Variants in ANKS1B observed in about 807,000 individuals in gnomAD.
ANKS1B encodes ankyrin repeat and sterile alpha motif domain containing 1B, also known as ankyrin repeat and sterile alpha motif domain-containing protein 1B.
Under a neutral mutation model 148.3 loss-of-function variants are expected in ANKS1B, and 36 were observed. That is an observed-to-expected ratio of 0.24 (90% CI 0.19 to 0.32). ANKS1B has a LOEUF of 0.32. ANKS1B is among the 10% of genes least tolerant of loss of function. The pLI, the probability that ANKS1B is intolerant of heterozygous loss-of-function variation, is 1.00. For synonymous variants in ANKS1B, 542 were observed against 560.8 expected (o/e 0.97, Z 0.47); for missense variants, 1,157 against 1,542.6 (o/e 0.75, Z 4.19).
At chr12:99,003,832 C>A (rs761540200) in intron 17 of ANKS1B, among the ~76,000 whole-genome samples, 13 of 152,164 alleles carry the variant, frequency 8.5e-5, no homozygotes, top group Non-Finnish European at 1.5e-4. Flanking sequence ...AACAAACATT[C>A]CAAGCCCCAT....
At chr12:98,884,511 A>G (rs2099732006) in intron 17 of ANKS1B, among the ~76,000 whole-genome samples, 1 of 152,114 alleles carries the variant, frequency 6.6e-6, no homozygotes, top group African/African-American at 2.4e-5. Context: ...GAAACTATCT[A>G]TTTGGGGGCC....
At chr12:99,260,551 A>T (rs1407248731) in intron 12 of ANKS1B, among the ~76,000 whole-genome samples, 1 of 152,182 alleles carries the variant, frequency 6.6e-6, no homozygotes, top group Admixed American at 6.5e-5. Context: ...ATATACAGAA[A>T]CGTTAAAGAT....
In ANKS1B at chr12:98,801,229, A is replaced by T; in HGVS notation, c.3142-104T>A. On this transcript the variant is annotated intron_variant, in intron 20 of 26. Coordinates refer to ENST00000683438, the MANE Select transcript of ANKS1B (RefSeq NM_001352186.2). The surrounding 1 kb of genome is among the most constrained non-coding windows in gnomAD (Gnocchi z 5.2). The stretch of plus-strand genomic sequence containing the variant: ...ACACACAGGTGCTGTGAATGTACCA[A>T]AATGCATTTGGGTGTCTTATGTGAA... 1.7e-6 allele frequency: 2 copies of T among 1,173,830 alleles called. No homozygotes were observed. Among genetic ancestry groups the T allele is most frequent in the Non-Finnish European group, 2.4e-6 (2 of 845,002 alleles). 72.7% of individuals were successfully genotyped at this position (1,173,830 alleles called of 1,614,324 possible).
At chr12:98,987,920 C>G (rs1490827045) in intron 17 of ANKS1B, among the ~76,000 whole-genome samples, 4 of 152,036 alleles carry the variant, frequency 2.6e-5, no homozygotes, top group Admixed American at 2.6e-4. Flanking sequence ...GCCTAAAGAT[C>G]TTTTTCAGTT....
chr12:99,470,810 T>C (rs2096229756), intron 10 of ANKS1B, among the ~76,000 whole-genome samples: 1 of 152,142 alleles, frequency 6.6e-6, no homozygotes, highest in African/African-American at 2.4e-5. Flanking sequence ...ATGAGAGTTT[T>C]GATTGAAGTC....
intron 17 of ANKS1B, among the ~76,000 whole-genome samples, chr12:98,851,783 T>C (rs1475251532): frequency 2.0e-5 from 3 of 151,964 alleles, no homozygotes; most frequent in African/African-American, 7.2e-5. Context: ...CCCAGCACTT[T>C]GGGAGGCTGA....
intron 12 of ANKS1B, among the ~76,000 whole-genome samples, chr12:99,321,462 C>T (rs550434451): frequency 6.6e-6 from 1 of 152,206 alleles, no homozygotes; most frequent in Non-Finnish European, 1.5e-5. Flanking sequence ...GACTGCTGTG[C>T]TAGCAGTGAG....
At chr12:99,038,887 GTC>G (rs1293709540) in intron 17 of ANKS1B, among the ~76,000 whole-genome samples, 1 of 152,224 alleles carries the variant, frequency 6.6e-6, no homozygotes, top group East Asian at 1.9e-4. Context: ...TCTGGTCACT[GTC>G]TATCCTCTTA....
chr12:99,498,175 T>C (rs895722179), intron 10 of ANKS1B, among the ~76,000 whole-genome samples: 2 of 152,180 alleles, frequency 1.3e-5, no homozygotes, highest in African/African-American at 2.4e-5. Context: ...TAATGAATCT[T>C]CCCGCTTTCA....
intron 15 of ANKS1B, among the ~76,000 whole-genome samples, chr12:99,101,737 T>A (rs1041452195): frequency 6.6e-6 from 1 of 152,294 alleles, no homozygotes; most frequent in South Asian, 2.1e-4. Flanking sequence ...AATTTTTGTA[T>A]TTTTAGTAAA....
chr12:99,673,802 TTTA>T (rs1301421531), intron 8 of ANKS1B, among the ~76,000 whole-genome samples: 2 of 151,700 alleles, frequency 1.3e-5, no homozygotes, highest in Admixed American at 6.6e-5. Context: ...CATAACAATA[TTTA>T]TTAATATAAT....
chr12:99,589,173 A>G (rs2097674787), intron 9 of ANKS1B, among the ~76,000 whole-genome samples: 1 of 152,234 alleles, frequency 6.6e-6, no homozygotes, highest in African/African-American at 2.4e-5. Flanking sequence ...GTGAAGAACC[A>G]GAAATGTATA....
intron 2 of ANKS1B, among the ~76,000 whole-genome samples, chr12:99,820,353 T>G (rs1296099926): frequency 6.6e-6 from 1 of 151,980 alleles, no homozygotes; most frequent in Admixed American, 6.6e-5. Flanking sequence ...GGTTTAATTT[T>G]CAGTATGAAG....
At chr12:99,324,512 T>C (rs2085928615) in intron 12 of ANKS1B, among the ~76,000 whole-genome samples, 1 of 152,158 alleles carries the variant, frequency 6.6e-6, no homozygotes, top group Non-Finnish European at 1.5e-5. Context: ...AGTATTTTAT[T>C]TCTACTTAGC....
chr12:99,651,582 CTAAATCT>C, intron 9 of ANKS1B, among the ~76,000 whole-genome samples: 1 of 152,114 alleles, frequency 6.6e-6, no homozygotes, highest in East Asian at 1.9e-4. Context: ...TATTTTTTCT[CTAAATCT>C]TAATCTGACT....
intron 9 of ANKS1B, among the ~76,000 whole-genome samples, chr12:99,517,087 C>G (rs530684479): frequency 6.6e-6 from 1 of 152,224 alleles, no homozygotes; most frequent in Non-Finnish European, 1.5e-5. Flanking sequence ...TGCATTAAAT[C>G]TGTACATTGC....
chr12:99,615,073 C>T (rs1461308307), intron 9 of ANKS1B, among the ~76,000 whole-genome samples: 1 of 152,026 alleles, frequency 6.6e-6, no homozygotes, highest in Non-Finnish European at 1.5e-5. Flanking sequence ...TTTATAAAAA[C>T]TATGGGAAAT....
chr12:99,123,352 C>A (rs2063452600), intron 15 of ANKS1B, among the ~76,000 whole-genome samples: 1 of 152,118 alleles, frequency 6.6e-6, no homozygotes, highest in Non-Finnish European at 1.5e-5. Context: ...AGAAGGTTAG[C>A]AGGGCACAAG....
rs1265298047 is a variant in ANKS1B at position 99,138,972 on chromosome 12, C to G, written c.2526+15317G>C. Among the ~76,000 whole-genome samples the G allele has an allele frequency of 4.0e-5, 6 of 150,402 alleles. No homozygotes were observed. The South Asian group carries it at 1.1e-3, about 26-fold the overall frequency. ...CTTTCTCTCTCTTTTTTCTTTTTCT[C>G]TCTGTCTCCCTCCCTCCCTCCCTCA... is the stretch of plus-strand genomic sequence containing the variant. On this transcript the variant is annotated intron_variant, in intron 15 of 26. Transcript: ENST00000683438.
Sources: allele counts gnomAD v4.1 joint callset (sites outside exome capture counted in the v4.1 genomes callset), GRCh38; gene constraint gnomAD v4.1.1; non-coding constraint Gnocchi (gnomAD v3.1); transcripts MANE v1.5; gene names NCBI Gene and HGNC (gene_info 2026-07-23, HGNC 2026-07-21).